The following RP1 variants were observed in gnomAD, a reference collection of about 807,000 sequenced individuals.
RP1 encodes the protein RP1 axonemal microtubule associated, also known as oxygen-regulated protein 1.
RP1 carries 16 observed loss-of-function variants against 14.8 expected under a neutral mutation model. The observed-to-expected ratio is 1.08, with a 90% CI of 0.73 to 1.65. The LOEUF is 1.65. RP1 is among the 40% of genes most tolerant of loss of function. The pLI is 0.00. For synonymous variants in RP1, 876 were observed against 883.6 expected (o/e 0.99, Z 0.15); for missense variants, 2,631 against 2,535.0 (o/e 1.04, Z -0.81).
Position 54,630,520 on chromosome 8 carries a change from C to CTGTT in RP1, c.*169_*172dup, listed in dbSNP as rs971040035. On this transcript the variant is annotated 3_prime_UTR_variant, in exon 4 of 4. Transcript: ENST00000220676. ...AACCAGTTTGACTTTCATAATGTCT[C>CTGTT]TGTTTTTTGTTTTTCCAACAATTAC... 4 of 1,414,366 alleles carry CTGTT rather than the reference C, an allele frequency of 2.8e-6. No individual in the cohort carries two copies. The African/African-American group carries it at 4.4e-5, about 15-fold the overall frequency. The allele number at this position is 1,414,366 out of a possible 1,614,324, so 87.6% of individuals were successfully genotyped here. A position where few individuals can be genotyped will look rare whatever the true frequency, so the allele number is the denominator to read the frequency against.
intron 15 of RP1, among the ~76,000 whole-genome samples, chr8:54,707,693 G>A (rs976075059): frequency 2.0e-5 from 3 of 152,244 alleles, no homozygotes; most frequent in South Asian, 4.1e-4. Flanking sequence ...CTTGGGGTAT[G>A]AGGAGGGAGG....
At chr8:54,613,911 G>C (rs1805653463), upstream of RP1, among the ~76,000 whole-genome samples, 1 of 152,222 alleles carries the variant, frequency 6.6e-6, no homozygotes, top group Non-Finnish European at 1.5e-5. Context: ...GCTAGGGCAT[G>C]AAGTCATTTA....
At chr8:54,559,665 G>T (rs969496643) in intron 1 of RP1, among the ~76,000 whole-genome samples, 2 of 152,178 alleles carry the variant, frequency 1.3e-5, no homozygotes, top group Non-Finnish European at 2.9e-5. Context: ...CTTGTGATTT[G>T]ATCTTTAAGG....
intron 24 of RP1, among the ~76,000 whole-genome samples, chr8:54,816,730 A>G (rs1453479262): frequency 1.3e-5 from 2 of 152,102 alleles, no homozygotes; most frequent in East Asian, 3.9e-4. Flanking sequence ...AGAAACATAA[A>G]CTGGAACATG....
intron 1 of RP1, among the ~76,000 whole-genome samples, chr8:54,617,080 A>G (rs1272033935): frequency 6.6e-6 from 1 of 152,266 alleles, no homozygotes; most frequent in Non-Finnish European, 1.5e-5. Context: ...AGAAGAGACG[A>G]TATTGGTAGC....
intron 7 of RP1, among the ~76,000 whole-genome samples, chr8:54,672,181 A>G (rs114230567): frequency 0.029 from 4,458 of 152,324 alleles, 127 homozygotes; most frequent in African/African-American, 0.066. Flanking sequence ...GACAGGCTGC[A>G]GGGCTGGCCT....
At chr8:54,808,764 A>G (rs948136608) in intron 24 of RP1, among the ~76,000 whole-genome samples, 1 of 152,232 alleles carries the variant, frequency 6.6e-6, no homozygotes, top group Non-Finnish European at 1.5e-5. Context: ...ACTGATGAAC[A>G]GACATTGGTG....
chr8:54,830,823 C>G (rs1811501504), intron 24 of RP1, among the ~76,000 whole-genome samples: 1 of 152,030 alleles, frequency 6.6e-6, no homozygotes, highest in African/African-American at 2.4e-5. Flanking sequence ...TTCATCATGC[C>G]AAAAGAAAAA....
intron 13 of RP1, among the ~76,000 whole-genome samples, chr8:54,699,726 A>G (rs189020986): frequency 6.6e-6 from 1 of 152,258 alleles, no homozygotes; most frequent in East Asian, 1.9e-4. Flanking sequence ...ACTGTGATGC[A>G]TAAATGGTTC....
At chr8:54,827,059 C>T (rs1396978078) in intron 24 of RP1, among the ~76,000 whole-genome samples, 3 of 152,100 alleles carry the variant, frequency 2.0e-5, no homozygotes, top group Non-Finnish European at 4.4e-5. Context: ...TATACCTGTA[C>T]AGGGCACTTA....
chr8:54,680,910 A>G (rs1807412155), intron 12 of RP1, among the ~76,000 whole-genome samples: 1 of 151,792 alleles, frequency 6.6e-6, no homozygotes, highest in South Asian at 2.1e-4. Flanking sequence ...GTGAGCCGAG[A>G]TAGAGCCACT....
chr8:54,564,135 C>G (rs947736337), intron 1 of RP1, among the ~76,000 whole-genome samples: 6 of 152,174 alleles, frequency 3.9e-5, no homozygotes, highest in African/African-American at 1.4e-4. Context: ...CTGGTCAGCA[C>G]AGTGGACAGA....
intron 23 of RP1, among the ~76,000 whole-genome samples, chr8:54,777,275 C>T (rs1395627209): frequency 3.3e-5 from 5 of 152,146 alleles, no homozygotes; most frequent in African/African-American, 9.7e-5. Flanking sequence ...CCACTGTGCA[C>T]GTGTTTGGAC....
At chr8:54,723,300 T>TA (rs1166144997) in intron 16 of RP1, among the ~76,000 whole-genome samples, 1 of 152,242 alleles carries the variant, frequency 6.6e-6, no homozygotes, top group Non-Finnish European at 1.5e-5. Context: ...GCATTTTTTT[T>TA]ATCACTTAAA....
At chr8:54,580,105 C>T (rs897871162) in intron 1 of RP1, among the ~76,000 whole-genome samples, 2 of 151,818 alleles carry the variant, frequency 1.3e-5, no homozygotes, top group Non-Finnish European at 2.9e-5. Context: ...ACACATTCAA[C>T]CGGCTTGAAG....
rs1369925544 is a variant in RP1 at position 54,665,917 on chromosome 8, G to T, written c.1323+2067G>T. Among the ~76,000 whole-genome samples the T allele has an allele frequency of 2.6e-5, 4 of 152,220 alleles. 1 individual carries two copies. Among genetic ancestry groups the T allele is most frequent in the South Asian group, 4.1e-4 (2 of 4,820 alleles). ...TTCAAAGAAAAACTGGGTGCTGGGG[G>T]TTTTTGCCTGCTTTCTCTGCATGAA... On this transcript the variant is annotated intron_variant, in intron 7 of 22. Transcript: ENST00000636932.
intron 25 of RP1, among the ~76,000 whole-genome samples, chr8:54,846,719 C>G (rs139399183): frequency 6.6e-6 from 1 of 152,242 alleles, no homozygotes; most frequent in East Asian, 1.9e-4. Context: ...TTCTGCCCCT[C>G]TTAATACTCC....
downstream of RP1, among the ~76,000 whole-genome samples, chr8:54,633,739 A>C (rs536048): frequency 0.24 from 24,012 of 100,078 alleles, 1,939 homozygotes; most frequent in East Asian, 0.42. Context: ...CTCTCTCTCT[A>C]TATATATATA....
Position 54,627,118 on chromosome 8 carries a change from C to A in RP1, c.3236C>A (p.Pro1079Gln). ...GTAGATCCTATAGAAGAGGAAACTC[C>A]AAAAGACCTCTTACCAGTCCTGATG... is the stretch of plus-strand genomic sequence containing the variant. ...IQVDPIEEET[P>Q]KDLLPVLMLH... The change falls in exon 4 of 4, where the codon CCA (proline) becomes CAA (glutamine). Residue 1079 changes from proline (P) to glutamine (Q), a missense_variant. Pro to Gln is a moderately conservative substitution (Grantham distance 76). Coordinates refer to ENST00000220676, the MANE Select transcript of RP1 (RefSeq NM_006269.2). The A allele has an allele frequency of 6.2e-7, 1 of 1,614,028 alleles. No individual in the cohort carries two copies.
Sources: allele counts gnomAD v4.1 joint callset (sites outside exome capture counted in the v4.1 genomes callset), GRCh38; gene constraint gnomAD v4.1.1; transcripts MANE v1.5; gene names NCBI Gene and HGNC (gene_info 2026-07-23, HGNC 2026-07-21).